LRP1B: variants seen among roughly 807,000 people sequenced by gnomAD.
LRP1B encodes low-density lipoprotein receptor-related protein 1B.
In LRP1B, 217 loss-of-function variants were observed where a neutral mutation model predicts 556.6. The observed-to-expected ratio is 0.39, with a 90% CI of 0.35 to 0.44. LRP1B has a LOEUF of 0.44. Among genes scored for constraint, LRP1B ranks in the 20% least tolerant of loss-of-function variants. LRP1B has a pLI of 1.00. For missense variants in LRP1B, 5,053 were observed against 5,620.8 expected (o/e 0.90, Z 3.23); for synonymous variants, 2,047 against 1,865.8 (o/e 1.10, Z -2.50).
intron 66 of LRP1B, among the ~76,000 whole-genome samples, chr2:140,396,700 A>C (rs921027502): frequency 6.6e-6 from 1 of 152,226 alleles, no homozygotes; most frequent in African/African-American, 2.4e-5. Flanking sequence ...AGTATCTGAA[A>C]AATTAAAAGA....
At chr2:140,528,795 A>C (rs185592563) in intron 47 of LRP1B, among the ~76,000 whole-genome samples, 6 of 152,020 alleles carry the variant, frequency 3.9e-5, no homozygotes, top group Non-Finnish European at 8.8e-5. Context: ...AATCTACAGA[A>C]ATAGTAGGAA....
intron 18 of LRP1B, among the ~76,000 whole-genome samples, chr2:140,961,995 A>C (rs76573948): frequency 2.6e-5 from 4 of 152,170 alleles, no homozygotes; most frequent in Non-Finnish European, 5.9e-5. Flanking sequence ...CTATTATACT[A>C]TCTACTATTT....
At chr2:140,819,374 A>G in intron 31 of LRP1B, among the ~76,000 whole-genome samples, 1 of 152,218 alleles carries the variant, frequency 6.6e-6, no homozygotes, top group East Asian at 1.9e-4. Context: ...CATCAAAATT[A>G]GAAACTTTTG....
intron 5 of LRP1B, among the ~76,000 whole-genome samples, chr2:141,232,139 C>A (rs561142472): frequency 6.6e-6 from 1 of 152,292 alleles, no homozygotes; most frequent in East Asian, 1.9e-4. Context: ...CTGTGTTTCA[C>A]TTGCCCTTGT....
chr2:141,572,233 T>A (rs1032413273), intron 2 of LRP1B, among the ~76,000 whole-genome samples: 2 of 152,154 alleles, frequency 1.3e-5, no homozygotes, highest in Non-Finnish European at 2.9e-5. Context: ...AGTGGACCTA[T>A]CAGCAGAAAC....
chr2:141,098,768 C>T (rs1158972203), intron 7 of LRP1B, among the ~76,000 whole-genome samples: 1 of 152,158 alleles, frequency 6.6e-6, no homozygotes, highest in East Asian at 1.9e-4. Flanking sequence ...AGTGATTCTC[C>T]TGCCTCAGCC....
intron 25 of LRP1B, among the ~76,000 whole-genome samples, chr2:140,876,982 T>G (rs1001302080): frequency 6.6e-6 from 1 of 152,212 alleles, no homozygotes; most frequent in Non-Finnish European, 1.5e-5. Flanking sequence ...TTTTCTTTTT[T>G]TATTGTTTTC....
chr2:141,292,749 T>G (rs1686025373), intron 3 of LRP1B, among the ~76,000 whole-genome samples: 2 of 152,144 alleles, frequency 1.3e-5, no homozygotes, highest in African/African-American at 4.8e-5. Context: ...ACCTCAAAAC[T>G]GTCAAACTCA....
intron 7 of LRP1B, among the ~76,000 whole-genome samples, chr2:141,090,837 A>T (rs997299976): frequency 2.0e-5 from 3 of 152,130 alleles, no homozygotes; most frequent in Admixed American, 2.0e-4. Flanking sequence ...AGGCTGAATT[A>T]TTCATGCCAT....
chr2:141,342,212 C>T (rs1688089642), intron 3 of LRP1B, among the ~76,000 whole-genome samples: 1 of 145,704 alleles, frequency 6.9e-6, no homozygotes, highest in African/African-American at 2.5e-5. Context: ...CCACCGCACT[C>T]CAGCCAGGGT....
At chr2:141,124,015 AAG>A (rs1157774021) in intron 7 of LRP1B, among the ~76,000 whole-genome samples, 6 of 152,156 alleles carry the variant, frequency 3.9e-5, no homozygotes, top group African/African-American at 7.2e-5. Context: ...AAGAGTGAAT[AAG>A]AGGGAGAGAG....
At chr2:141,325,162 C>A (rs1328570494) in intron 3 of LRP1B, among the ~76,000 whole-genome samples, 1 of 151,722 alleles carries the variant, frequency 6.6e-6, no homozygotes, top group Non-Finnish European at 1.5e-5. Context: ...GTAATAATTT[C>A]ATTTTTGCTG....
chr2:142,125,761 C>G (rs1179322166), intron 1 of LRP1B, among the ~76,000 whole-genome samples: 3 of 151,772 alleles, frequency 2.0e-5, no homozygotes, highest in Admixed American at 1.3e-4. Context: ...TGTATAGCAA[C>G]TCCACAGAAG....
chr2:141,816,003 T>C (rs924514516), intron 1 of LRP1B, among the ~76,000 whole-genome samples: 2 of 152,214 alleles, frequency 1.3e-5, no homozygotes, highest in African/African-American at 4.8e-5. Flanking sequence ...AAGAATAACT[T>C]TCTAATAGCA....
At chr2:141,253,233 T>C (rs1684333484) in intron 4 of LRP1B, among the ~76,000 whole-genome samples, 1 of 152,182 alleles carries the variant, frequency 6.6e-6, no homozygotes, top group African/African-American at 2.4e-5. Flanking sequence ...TCTGTGATTA[T>C]GAGGCATCTA....
intron 6 of LRP1B, among the ~76,000 whole-genome samples, chr2:141,211,555 T>G (rs1454231342): frequency 1.3e-5 from 2 of 151,990 alleles, no homozygotes; most frequent in African/African-American, 4.8e-5. Flanking sequence ...AGGCAGAGGT[T>G]GCAGTGAGCC....
intron 86 of LRP1B, among the ~76,000 whole-genome samples, chr2:140,266,701 A>G (rs914246108): frequency 1.3e-5 from 2 of 152,054 alleles, no homozygotes; most frequent in African/African-American, 4.8e-5. Flanking sequence ...TCTTTCCTAT[A>G]AAACTACAAT....
At chr2:141,667,792 T>G (rs1276391880) in intron 2 of LRP1B, among the ~76,000 whole-genome samples, 1 of 152,164 alleles carries the variant, frequency 6.6e-6, no homozygotes, top group Middle Eastern at 3.2e-3. Context: ...AGGGTATACC[T>G]ATGTTTCCCT....
intron 6 of LRP1B, among the ~76,000 whole-genome samples, chr2:141,194,849 T>C (rs1019996277): frequency 1.3e-5 from 2 of 152,054 alleles, no homozygotes; most frequent in African/African-American, 4.8e-5. Flanking sequence ...TCCAGTAGAT[T>C]TTTCAAAAAT....
Sources: gnomAD v4.1 joint callset for allele counts (sites outside exome capture counted in the v4.1 genomes callset) on GRCh38, gnomAD v4.1.1 for gene constraint, MANE v1.5 for transcripts, NCBI Gene and HGNC (gene_info 2026-07-23, HGNC 2026-07-21) for gene names.